The following EPX variants were observed in gnomAD, a reference collection of about 807,000 sequenced individuals.
EPX encodes the protein eosinophil peroxidase.
In EPX, 60 loss-of-function variants were observed where a neutral mutation model predicts 73.0. The observed-to-expected ratio is 0.82, with a 90% CI of 0.67 to 1.02. EPX has a LOEUF of 1.02. EPX is among the 50% of genes least tolerant of loss of function. The pLI is 0.00. For synonymous variants in EPX, 347 were observed against 389.2 expected, an observed-to-expected ratio of 0.89 and a Z score of 1.28; for missense variants, 950 against 973.9, an observed-to-expected ratio of 0.98 and a Z score of 0.33.
rs761321265 is a variant in EPX, at chr17:58,193,806, A to G, written c.439A>G (p.Thr147Ala). ...CGAGCGCTGCAGCGACAAGTACCGCACCATCACTGGACGGTGCAACAACAA... is the reference window on the plus strand; with the variant it reads ...CGAGCGCTGCAGCGACAAGTACCGCGCCATCACTGGACGGTGCAACAACAA... ...QAERCSDKYR[T>A]ITGRCNNKRR... Residue 147 changes from threonine to alanine, a missense_variant, in exon 4 of 13, where the codon ACC becomes GCC. Transcript: ENST00000225371. The G allele has an allele frequency of 6.2e-7, 1 of 1,613,230 alleles. No individual in the cohort carries two copies. Among genetic ancestry groups the G allele is most frequent in the Non-Finnish European group, 8.5e-7 (1 of 1,179,486 alleles).
intron 8 of EPX, 107 bp downstream of exon 8, chr17:58,199,307 CT>C: frequency 7.8e-7 from 1 of 1,282,180 alleles, no homozygotes; most frequent in Non-Finnish European, 1.1e-6. Context: ...GTCTGGGCAA[CT>C]GGCGGAGCAC....
At chr17:58,197,477 G>A (rs1241040972) in intron 7 of EPX, among the ~76,000 whole-genome samples, 1 of 152,172 alleles carries the variant, frequency 6.6e-6, no homozygotes, top group Admixed American at 6.5e-5. Flanking sequence ...ACCGTCTCCA[G>A]TGACAAGGCT....
At chr17:58,199,823 G>A (rs1968315782) in intron 9 of EPX, 29 bp downstream of exon 9, 1 of 1,607,878 alleles carries the variant, frequency 6.2e-7, no homozygotes, top group Admixed American at 1.7e-5. Context: ...GGGCAAATGG[G>A]GGTGAGGGTG....
chr17:58,202,963 C>A, intron 10 of EPX, 118 bp from the exon 11 acceptor site: 1 of 769,094 alleles, frequency 1.3e-6, no homozygotes, highest in South Asian at 1.4e-5. Flanking sequence ...CCAGCAGGAT[C>A]TTCTGGTTCT....
rs778189950 is a variant in EPX, at chr17:58,200,374, A to T, written c.1687A>T (p.Ser563Cys). Residue 563 changes from serine (S) to cysteine (C), a missense_variant, in exon 10 of 13, where the codon AGC becomes TGC. Transcript: ENST00000225371. ...CCTGGCAGCTCTCAACATGCAACGA[A>T]GCCGGGACCACGGCCTTCCAGGTGA... ...LDLAALNMQR[S>C]RDHGLPGYNA... The T allele has an allele frequency of 5.6e-6, 9 of 1,614,200 alleles. No homozygotes were observed. In the South Asian group the frequency reaches 9.9e-5, roughly 18 times the overall value.
chr17:58,198,370 C>T (rs1968290483), intron 7 of EPX, among the ~76,000 whole-genome samples: 1 of 152,142 alleles, frequency 6.6e-6, no homozygotes, highest in Non-Finnish European at 1.5e-5. Context: ...GAGAGTCGGC[C>T]CCAACCCCTC....
chr17:58,195,146 G>A lies in EPX; in HGVS notation c.777G>A (p.Gln259=). Residue 259 remains glutamine (Q), a synonymous_variant, in exon 6 of 13, where the codon CAG becomes CAA. Transcript: ENST00000225371. ...AGVDCERTCA[Q]LPPCFPIKIP... is the part of the protein sequence containing the mutation. Reference sequence around the variant, plus strand: ...TTGACTGTGAGAGGACCTGCGCCCAGCTGCCCCCCTGCTTTCCCATCAAGG... The same window carrying A: ...TTGACTGTGAGAGGACCTGCGCCCAACTGCCCCCCTGCTTTCCCATCAAGG... 1.2e-6 allele frequency: 2 copies of A among 1,613,968 alleles called. No homozygotes were observed. Among genetic ancestry groups the A allele is most frequent in the Non-Finnish European group, 1.7e-6 (2 of 1,179,898 alleles).
chr17:58,192,791 C>A lies in EPX; in HGVS notation c.-56C>A. Reference sequence around the variant, plus strand: ...AAGTGAGAGGGGAGCAGAGGATCCTCCCGTGCAGGCTGTGGATGTCACTCA... The same window carrying A: ...AAGTGAGAGGGGAGCAGAGGATCCTACCGTGCAGGCTGTGGATGTCACTCA... On this transcript the variant is annotated 5_prime_UTR_variant, in exon 1 of 13. Transcript: ENST00000225371. 6.8e-7 allele frequency: 1 copy of A among 1,478,322 alleles called. No individual in the cohort carries two copies. Among genetic ancestry groups the A allele is most frequent in the Non-Finnish European group, 9.4e-7 (1 of 1,066,568 alleles). 91.6% of individuals were successfully genotyped at this position (1,478,322 alleles called of 1,614,324 possible). A position where few individuals can be genotyped will look rare whatever the true frequency, so the allele number is the denominator to read the frequency against.
Position 58,193,505 on chromosome 17 carries a change from A to C in EPX, c.305A>C (p.Glu102Ala), listed in dbSNP as rs1411391244. Residue 102 changes from glutamate (E) to alanine (A), a missense_variant, in exon 3 of 13, where the codon GAG (glutamate) becomes GCG (alanine). Transcript: ENST00000225371. ...CATGTGGCTTTGGGGCTGCTTGAAG[A>C]GAAGTTACAACCCCAGCGGTCCGGA... ...YMHVALGLLE[E>A]KLQPQRSGPF... 2 of 1,614,178 alleles carry C rather than the reference A, an allele frequency of 1.2e-6. No homozygotes were observed. Among genetic ancestry groups the C allele is most frequent in the African/African-American group, 1.3e-5 (1 of 75,044 alleles).
chr17:58,204,657 G>C (rs1968405034), intron 12 of EPX, 79 bp from the exon 13 acceptor site: 1 of 569,300 alleles, frequency 1.8e-6, no homozygotes, highest in East Asian at 2.9e-5. Context: ...TCCTCAGCTT[G>C]GTCACTAATA....
rs973934633 is a variant in EPX at position 58,204,547 on chromosome 17, T to C, written c.*11+113T>C. 13 of 680,828 alleles carry C rather than the reference T, an allele frequency of 1.9e-5. No homozygotes were observed. The South Asian group carries it at 2.0e-4, about 10-fold the overall frequency. 42.2% of individuals were successfully genotyped at this position (680,828 alleles called of 1,614,324 possible). ...AAGCAGAGAAAACAGAACTTGTCAC[T>C]AGGTACTCTTTCCAAGTGGCTTCCC... On this transcript the variant is annotated intron_variant, in intron 12 of 12. Transcript: ENST00000225371.
chr17:58,192,994 G>C (rs1449613265), intron 1 of EPX, 44 bp from the exon 2 acceptor site: 1 of 1,592,496 alleles, frequency 6.3e-7, no homozygotes, highest in African/African-American at 1.3e-5. Context: ...CTTGGAGGGG[G>C]TCTTGTGGCT....
chr17:58,194,121 T>G (rs893583533), intron 5 of EPX, 29 bp downstream of exon 5: 1 of 1,611,400 alleles, frequency 6.2e-7, no homozygotes, highest in African/African-American at 1.3e-5. Context: ...TTTGGGAGGT[T>G]GCTTGATCTC....
intron 7 of EPX, among the ~76,000 whole-genome samples, chr17:58,198,643 G>T (rs1968294814): frequency 6.6e-6 from 1 of 152,184 alleles, no homozygotes; most frequent in African/African-American, 2.4e-5. Flanking sequence ...CCAGCCCTTG[G>T]CAGAGAACAC....
chr17:58,204,118 G>T, intron 11 of EPX, 104 bp from the exon 12 acceptor site: 1 of 828,582 alleles, frequency 1.2e-6, no homozygotes, highest in Non-Finnish European at 2.1e-6. Context: ...AATTTTGTGA[G>T]AATTGAATGG....
intron 6 of EPX, among the ~76,000 whole-genome samples, chr17:58,196,034 TTTCTTTC>T (rs1295788545): frequency 1.5e-5 from 1 of 68,190 alleles, no homozygotes; most frequent in Non-Finnish European, 3.2e-5. Flanking sequence ...CCTTCCTTTC[TTTCTTTC>T]TTTTTCTTTC....
chr17:58,196,479 C>G (rs1968258007), intron 6 of EPX, among the ~76,000 whole-genome samples: 1 of 152,172 alleles, frequency 6.6e-6, no homozygotes, highest in African/African-American at 2.4e-5. Flanking sequence ...GTGTGTGTGT[C>G]TTTTTCCACT....
chr17:58,195,720 A>C (rs1226249229), intron 6 of EPX, among the ~76,000 whole-genome samples: 2 of 152,084 alleles, frequency 1.3e-5, no homozygotes, highest in Admixed American at 1.3e-4. Context: ...ACGTGCACAC[A>C]CACGCTCCCT....
At chr17:58,202,922 C>T in intron 10 of EPX, 159 bp from the exon 11 acceptor site, 1 of 679,510 alleles carries the variant, frequency 1.5e-6, no homozygotes, top group Non-Finnish European at 2.7e-6. Flanking sequence ...GGACAGAAAC[C>T]TAGTCTTTGG....
Sources: gnomAD v4.1 joint callset for allele counts (sites outside exome capture counted in the v4.1 genomes callset) on GRCh38, gnomAD v4.1.1 for gene constraint, MANE v1.5 for transcripts, NCBI Gene and HGNC (gene_info 2026-07-23, HGNC 2026-07-21) for gene names.